PRKACB: variants seen among roughly 807,000 people sequenced by gnomAD.
PRKACB encodes the protein protein kinase cAMP-activated catalytic subunit beta, also known as cAMP-dependent protein kinase catalytic subunit beta.
A neutral mutation model predicts 51.4 loss-of-function variants in PRKACB; 16 were observed. That is an observed-to-expected ratio of 0.31 (90% CI 0.21 to 0.47). The LOEUF is 0.47. PRKACB is among the 20% of genes least tolerant of loss of function. PRKACB has a pLI of 1.00. For missense variants in PRKACB, 309 were observed against 464.5 expected, an observed-to-expected ratio of 0.67 and a Z score of 3.08; for synonymous variants, 147 against 154.4, an observed-to-expected ratio of 0.95 and a Z score of 0.35.
At chr1:84,169,164 T>C (rs1658540941) in intron 1 of PRKACB, among the ~76,000 whole-genome samples, 1 of 151,652 alleles carries the variant, frequency 6.6e-6, no homozygotes, top group Non-Finnish European at 1.5e-5. Flanking sequence ...AAAGAGGTTA[T>C]ACACCATAAA....
At chr1:84,228,131 T>G (rs945484846) in intron 9 of PRKACB, among the ~76,000 whole-genome samples, 20 of 152,184 alleles carry the variant, frequency 1.3e-4, no homozygotes, top group Non-Finnish European at 2.6e-4. Context: ...AAAGATAATA[T>G]TAGAAGTCCC....
chr1:84,204,424 A>T lies in PRKACB; in HGVS notation c.906+1619A>T. 11 of 1,320,494 alleles carry T rather than the reference A, an allele frequency of 8.3e-6. No individual in the cohort carries two copies. The South Asian group carries it at 1.2e-4, about 14-fold the overall frequency. The allele number at this position is 1,320,494 out of a possible 1,614,324, so 81.8% of individuals were successfully genotyped here. ...TATCAGTATCACTGCTGTTCTTCTT[A>T]CATTTGTAGATCTCTGGCTTCAGAC... On this transcript the variant is annotated intron_variant, in intron 8 of 9. Coordinates refer to ENST00000370685, the MANE Select transcript of PRKACB (RefSeq NM_182948.4).
At chr1:84,121,318 GT>G (rs991478054) in intron 1 of PRKACB, among the ~76,000 whole-genome samples, 27 of 149,948 alleles carry the variant, frequency 1.8e-4, no homozygotes, top group Admixed American at 1.3e-3. Flanking sequence ...AATTTATCTT[GT>G]TTTTTTAATA....
intron 1 of PRKACB, among the ~76,000 whole-genome samples, chr1:84,104,768 A>G (rs1184475499): frequency 6.6e-6 from 1 of 152,090 alleles, no homozygotes; most frequent in Non-Finnish European, 1.5e-5. Flanking sequence ...GCTTTTAATC[A>G]CATGTCAAAC....
At position 84,146,595 on chromosome 1, in the gene PRKACB, A is replaced by T. The variant is rs1571806020; in HGVS notation, c.187+2047A>T. Among the ~76,000 whole-genome samples, 6 of 152,144 alleles carry T rather than the reference A, an allele frequency of 3.9e-5. 1 individual carries two copies. Among genetic ancestry groups the T allele is most frequent in the Admixed American group, 3.9e-4 (6 of 15,288 alleles). The stretch of plus-strand genomic sequence containing the variant: ...TTAAAGCAGTTTACTTGCATGACTC[A>T]TTTGACAAGGGAATGTAATGTCTCC... On this transcript the variant is annotated intron_variant, in intron 1 of 9. Transcript: ENST00000370685.
intron 1 of PRKACB, among the ~76,000 whole-genome samples, chr1:84,113,289 G>T (rs112583066): frequency 0.01 from 1,540 of 152,206 alleles, 12 homozygotes; most frequent in Non-Finnish European, 0.017. Flanking sequence ...GGCATAAACT[G>T]TGACCCAGGA....
intron 1 of PRKACB, among the ~76,000 whole-genome samples, chr1:84,131,085 G>T (rs142429022): frequency 1.3e-5 from 2 of 152,138 alleles, no homozygotes; most frequent in Admixed American, 1.3e-4. Flanking sequence ...AGCTGGGTGC[G>T]GTGGCTCACG....
chr1:84,094,630 T>C (rs1648786008), intron 1 of PRKACB, among the ~76,000 whole-genome samples: 1 of 152,010 alleles, frequency 6.6e-6, no homozygotes, highest in African/African-American at 2.4e-5. Flanking sequence ...TATAGCCATA[T>C]ACAGTAGTCA....
intron 1 of PRKACB, among the ~76,000 whole-genome samples, chr1:84,088,696 A>T (rs1046855421): frequency 6.6e-6 from 1 of 152,224 alleles, no homozygotes; most frequent in Non-Finnish European, 1.5e-5. Context: ...AGTTCAATTC[A>T]TAGAATGACA....
At chr1:84,180,851 A>G (rs1198868959) in intron 2 of PRKACB, among the ~76,000 whole-genome samples, 3 of 152,068 alleles carry the variant, frequency 2.0e-5, no homozygotes, top group African/African-American at 7.2e-5. Context: ...AAGAAAAGCA[A>G]TGAAAAAAGC....
At chr1:84,081,256 T>C (rs992133444) in intron 1 of PRKACB, among the ~76,000 whole-genome samples, 5 of 152,180 alleles carry the variant, frequency 3.3e-5, no homozygotes, top group African/African-American at 1.2e-4. Flanking sequence ...ATCTGGTGCC[T>C]GTATTGTACT....
At chr1:84,173,558 T>C (rs1169823782) in intron 1 of PRKACB, among the ~76,000 whole-genome samples, 2 of 151,614 alleles carry the variant, frequency 1.3e-5, no homozygotes, top group South Asian at 2.1e-4. Flanking sequence ...AGGTAGATAT[T>C]TGAATAGGGG....
At chr1:84,158,752 G>GTAATGAAGA (rs1655825076) in intron 1 of PRKACB, among the ~76,000 whole-genome samples, 1 of 152,060 alleles carries the variant, frequency 6.6e-6, no homozygotes, top group East Asian at 1.9e-4. Context: ...CTAACGCAAG[G>GTAATGAAGA]TAATGAAGAT....
chr1:84,205,605 G>T (rs1344284439), intron 8 of PRKACB, among the ~76,000 whole-genome samples: 1 of 151,836 alleles, frequency 6.6e-6, no homozygotes, highest in Non-Finnish European at 1.5e-5. Flanking sequence ...CTGAAGTCAC[G>T]TTATAAAGAT....
intron 5 of PRKACB, among the ~76,000 whole-genome samples, chr1:84,195,992 A>G (rs188700931): frequency 9.4e-4 from 143 of 152,258 alleles, no homozygotes; most frequent in Middle Eastern, 3.4e-3. Flanking sequence ...GTAAACAAGC[A>G]TAGTAAAAGA....
rs939105819 is a variant in PRKACB, at chr1:84,236,286, T to C, written c.*981T>C. 2 of 152,646 alleles carry C rather than the reference T, an allele frequency of 1.3e-5. No homozygotes were observed. Among genetic ancestry groups the C allele is most frequent in the African/African-American group, 4.8e-5 (2 of 41,470 alleles). The allele number at this position is 152,646 out of a possible 1,614,324, so 9.5% of individuals were successfully genotyped here. Reference sequence around the variant, plus strand: ...GAACATTGGTTTAGATAAATACTTATACTTTGCAAAGTCAAAAATGGCTTG... The same window carrying C: ...GAACATTGGTTTAGATAAATACTTACACTTTGCAAAGTCAAAAATGGCTTG... On this transcript the variant is annotated 3_prime_UTR_variant, in exon 10 of 10. Transcript: ENST00000370685.
chr1:84,173,637 T>G (rs1026439109), intron 1 of PRKACB, among the ~76,000 whole-genome samples: 1 of 151,850 alleles, frequency 6.6e-6, no homozygotes, highest in Admixed American at 6.6e-5. Context: ...TGTTATTTAA[T>G]GATAGAACTT....
chr1:84,144,688 G>T lies in PRKACB; in HGVS notation c.187+140G>T, dbSNP rs1050276548. The T allele has an allele frequency of 2.3e-5, 21 of 898,026 alleles. No individual in the cohort carries two copies. The African/African-American group carries it at 3.7e-4, about 16-fold the overall frequency. 55.6% of individuals were successfully genotyped at this position (898,026 alleles called of 1,614,324 possible). ...GACATTTTGCAAGATGAAGTTGAAAGAATTCCATAAAAACTTGATTATAAG... is the reference window on the plus strand; with the variant it reads ...GACATTTTGCAAGATGAAGTTGAAATAATTCCATAAAAACTTGATTATAAG... On this transcript the variant is annotated intron_variant, in intron 1 of 9. Transcript: ENST00000370685.
intron 3 of PRKACB, 32 bp downstream of exon 3, chr1:84,182,360 G>A (rs916847700): frequency 1.4e-5 from 21 of 1,478,688 alleles, no homozygotes; most frequent in African/African-American, 2.8e-5. Context: ...TACCTTCAGG[G>A]TAAACTTTAG....
Sources: allele counts gnomAD v4.1 joint callset (sites outside exome capture counted in the v4.1 genomes callset), GRCh38; gene constraint gnomAD v4.1.1; transcripts MANE v1.5; gene names NCBI Gene and HGNC (gene_info 2026-07-23, HGNC 2026-07-21).